Variants in RPS6KC1 observed in about 807,000 individuals in gnomAD.
The protein encoded by RPS6KC1 is ribosomal protein S6 kinase C1, also known as inactive ribosomal protein S6 kinase delta-1.
Under a neutral mutation model 103.8 loss-of-function variants are expected in RPS6KC1, and 54 were observed. The ratio of observed to expected loss-of-function variants is 0.52; its 90% CI spans 0.42 to 0.65. The LOEUF (loss-of-function observed/expected upper bound fraction) is 0.65. Ranked by LOEUF, RPS6KC1 falls within the 30% of genes least tolerant of loss-of-function variation. The pLI is 0.00. For synonymous variants in RPS6KC1, 439 were observed against 438.7 expected, an observed-to-expected ratio of 1.00 and a Z score of -0.01; for missense variants, 1,151 against 1,253.8, an observed-to-expected ratio of 0.92 and a Z score of 1.24.
At chr1:213,545,596 C>A in the RPS6KC1 span, among the ~76,000 whole-genome samples, 1 of 151,866 alleles carries the variant, frequency 6.6e-6, no homozygotes, top group Admixed American at 6.6e-5. Context: ...TTAAGGTCCA[C>A]CTTCATGACC....
chr1:213,680,793 G>A, the RPS6KC1 span, among the ~76,000 whole-genome samples: 1 of 152,004 alleles, frequency 6.6e-6, no homozygotes, highest in Non-Finnish European at 1.5e-5. Context: ...AAGTTGTGAG[G>A]CCCTGATCTG....
At chr1:213,140,382 G>A (rs979202314) in intron 6 of RPS6KC1, among the ~76,000 whole-genome samples, 6 of 152,064 alleles carry the variant, frequency 3.9e-5, no homozygotes, top group African/African-American at 1.4e-4. Flanking sequence ...TGTTGAATAG[G>A]AGGGGTGAGA....
the RPS6KC1 span, among the ~76,000 whole-genome samples, chr1:213,632,983 A>G: frequency 6.6e-6 from 1 of 152,222 alleles, no homozygotes; most frequent in African/African-American, 2.4e-5. Flanking sequence ...TAAAGTGAGG[A>G]GAGAAATTTA....
At chr1:213,552,617 A>T in the RPS6KC1 span, among the ~76,000 whole-genome samples, 3 of 152,296 alleles carry the variant, frequency 2.0e-5, no homozygotes, top group African/African-American at 7.2e-5. Context: ...TCTTTTGCAA[A>T]TATTTTCTCC....
chr1:213,091,532 T>C (rs1265622834), intron 3 of RPS6KC1, among the ~76,000 whole-genome samples: 1 of 152,244 alleles, frequency 6.6e-6, no homozygotes, highest in Non-Finnish European at 1.5e-5. Context: ...TAGATTTGAA[T>C]ATATCTTTTA....
At chr1:213,431,996 G>T in the RPS6KC1 span, among the ~76,000 whole-genome samples, 1 of 152,086 alleles carries the variant, frequency 6.6e-6, no homozygotes, top group African/African-American at 2.4e-5. Flanking sequence ...AAATGGCAGG[G>T]GCATACTGTA....
chr1:213,428,811 G>T, the RPS6KC1 span: 1 of 152,912 alleles, frequency 6.5e-6, no homozygotes. Context: ...ATATTTTCTG[G>T]ACAACCTCAC....
At chr1:213,147,250 A>G (rs539779038) in intron 6 of RPS6KC1, among the ~76,000 whole-genome samples, 1 of 152,232 alleles carries the variant, frequency 6.6e-6, no homozygotes, top group African/African-American at 2.4e-5. Flanking sequence ...TGTGGGGTAT[A>G]ACTCAAAAAA....
At chr1:213,089,867 C>T (rs560088398) in intron 3 of RPS6KC1, among the ~76,000 whole-genome samples, 21 of 152,286 alleles carry the variant, frequency 1.4e-4, no homozygotes, top group Non-Finnish European at 2.2e-4. Context: ...ATATGTCAGG[C>T]GCGGTCCTAC....
At chr1:213,151,833 A>AC (rs1182276273) in intron 6 of RPS6KC1, among the ~76,000 whole-genome samples, 3 of 77,548 alleles carry the variant, frequency 3.9e-5, no homozygotes, top group South Asian at 5.5e-4. Flanking sequence ...CGAGGGGCTG[A>AC]CCCCCCCACC....
chr1:213,780,020 T>C, the RPS6KC1 span, among the ~76,000 whole-genome samples: 1 of 152,158 alleles, frequency 6.6e-6, no homozygotes, highest in Non-Finnish European at 1.5e-5. Flanking sequence ...CAGAACATGC[T>C]CCCTATTTCA....
At chr1:213,538,709 G>A in the RPS6KC1 span, among the ~76,000 whole-genome samples, 7 of 152,130 alleles carry the variant, frequency 4.6e-5, no homozygotes, top group African/African-American at 2.4e-5. Flanking sequence ...TACCCATCGA[G>A]TACGAGTTTG....
intron 6 of RPS6KC1, among the ~76,000 whole-genome samples, chr1:213,163,757 C>T (rs2090707616): frequency 6.6e-6 from 1 of 151,910 alleles, no homozygotes; most frequent in Non-Finnish European, 1.5e-5. Context: ...GTTCAAGAGA[C>T]CAGTTTTTCT....
At chr1:213,759,162 A>G in the RPS6KC1 span, among the ~76,000 whole-genome samples, 1 of 152,238 alleles carries the variant, frequency 6.6e-6, no homozygotes, top group Non-Finnish European at 1.5e-5. Context: ...ATCAACATGG[A>G]GGCAAGACCC....
chr1:213,398,701 A>G, the RPS6KC1 span, among the ~76,000 whole-genome samples: 1 of 152,134 alleles, frequency 6.6e-6, no homozygotes, highest in African/African-American at 2.4e-5. Context: ...CTTAAAATGC[A>G]CCTATTAGGC....
the RPS6KC1 span, among the ~76,000 whole-genome samples, chr1:213,577,258 C>T: frequency 5.3e-5 from 8 of 152,190 alleles, no homozygotes; most frequent in Non-Finnish European, 1.0e-4. Context: ...GTAAAATGTG[C>T]CTTTGCTTCT....
intron 8 of RPS6KC1, among the ~76,000 whole-genome samples, chr1:213,218,232 AGACG>A (rs1008554877): frequency 1.3e-4 from 20 of 152,256 alleles, no homozygotes; most frequent in African/African-American, 1.9e-4. Flanking sequence ...CACCAATAAC[AGACG>A]GAGAGCCAAA....
At chr1:213,407,128 G>C in the RPS6KC1 span, among the ~76,000 whole-genome samples, 1 of 152,196 alleles carries the variant, frequency 6.6e-6, no homozygotes, top group Non-Finnish European at 1.5e-5. Flanking sequence ...CCAAGTGCCA[G>C]TGGTTGAATT....
chr1:213,843,021 G>A, the RPS6KC1 span, among the ~76,000 whole-genome samples: 1 of 152,218 alleles, frequency 6.6e-6, no homozygotes, highest in African/African-American at 2.4e-5. Flanking sequence ...TAGAGGACAA[G>A]AGGCTGGAAA....
Sources: gnomAD v4.1 joint callset for allele counts (sites outside exome capture counted in the v4.1 genomes callset) on GRCh38, gnomAD v4.1.1 for gene constraint, MANE v1.5 for transcripts, NCBI Gene and HGNC (gene_info 2026-07-23, HGNC 2026-07-21) for gene names.